The following MSRA variants were observed in gnomAD, a reference collection of about 807,000 sequenced individuals.
MSRA encodes mitochondrial peptide methionine sulfoxide reductase.
Under a neutral mutation model 31.3 loss-of-function variants are expected in MSRA, and 54 were observed. The observed-to-expected ratio is 1.73, with a 90% confidence interval of 1.39 to 2.17. The LOEUF (loss-of-function observed/expected upper bound fraction) is 2.17. Among genes scored for constraint, MSRA ranks in the 30% most tolerant of loss-of-function variants. The pLI, the probability that MSRA is intolerant of heterozygous loss-of-function variation, is 0.00. For missense variants in MSRA, 507 were observed against 300.9 expected, an observed-to-expected ratio of 1.69 and a Z score of -5.07; for synonymous variants, 169 against 116.5, an observed-to-expected ratio of 1.45 and a Z score of -2.90.
intron 5 of MSRA, among the ~76,000 whole-genome samples, chr8:10,330,708 T>C (rs1802645774): frequency 6.6e-6 from 1 of 152,250 alleles, no homozygotes; most frequent in South Asian, 2.1e-4. Context: ...CTACATTAAG[T>C]AAGCTTATAG....
chr8:10,369,083 A>G (rs1358554243), intron 5 of MSRA, among the ~76,000 whole-genome samples: 9 of 152,214 alleles, frequency 5.9e-5, no homozygotes, highest in Admixed American at 5.9e-4. Flanking sequence ...TGAGTTCGAG[A>G]TGAACTCTAC....
At chr8:10,160,279 G>C (rs370178958) in intron 1 of MSRA, among the ~76,000 whole-genome samples, 1 of 152,068 alleles carries the variant, frequency 6.6e-6, no homozygotes, top group South Asian at 2.1e-4. Flanking sequence ...CAGATCACGA[G>C]GTCAGGAGAT....
chr8:10,168,530 C>T (rs1805336422), intron 1 of MSRA, among the ~76,000 whole-genome samples: 1 of 152,154 alleles, frequency 6.6e-6, no homozygotes, highest in Non-Finnish European at 1.5e-5. Flanking sequence ...AGGGAAGTAG[C>T]ATTGATTTAA....
At chr8:10,083,945 G>T (rs1282260219) in intron 1 of MSRA, among the ~76,000 whole-genome samples, 1 of 152,154 alleles carries the variant, frequency 6.6e-6, no homozygotes, top group Admixed American at 6.5e-5. Flanking sequence ...TTAGGCCAAG[G>T]TACAGCTAAA....
At chr8:10,114,781 G>A (rs994377165) in intron 1 of MSRA, among the ~76,000 whole-genome samples, 1 of 152,134 alleles carries the variant, frequency 6.6e-6, no homozygotes, top group East Asian at 1.9e-4. Flanking sequence ...ATTAATGAAA[G>A]ACTCAATATT....
At chr8:10,082,140 A>G (rs1033886405) in intron 1 of MSRA, among the ~76,000 whole-genome samples, 1 of 152,192 alleles carries the variant, frequency 6.6e-6, no homozygotes, top group African/African-American at 2.4e-5. Flanking sequence ...CAGGAGGTCA[A>G]GACTGAGTGA....
At chr8:10,129,443 T>C (rs1165388385) in intron 1 of MSRA, among the ~76,000 whole-genome samples, 1 of 151,998 alleles carries the variant, frequency 6.6e-6, no homozygotes, top group East Asian at 1.9e-4. Context: ...TGAGGTGAAA[T>C]AATTTCTTGG....
intron 2 of MSRA, among the ~76,000 whole-genome samples, chr8:10,214,978 C>G (rs915183337): frequency 5.3e-5 from 8 of 152,150 alleles, no homozygotes; most frequent in African/African-American, 9.7e-5. Context: ...GATGGTGCAG[C>G]CACGTTGACC....
At chr8:10,279,095 A>G (rs747571033) in intron 3 of MSRA, among the ~76,000 whole-genome samples, 4 of 152,144 alleles carry the variant, frequency 2.6e-5, no homozygotes, top group Non-Finnish European at 4.4e-5. Context: ...TTCCTACCAT[A>G]ATTTTTACCA....
intron 5 of MSRA, among the ~76,000 whole-genome samples, chr8:10,331,814 A>G (rs539803183): frequency 1.8e-4 from 28 of 152,352 alleles, no homozygotes; most frequent in African/African-American, 6.7e-4. Flanking sequence ...ACCTAATACA[A>G]TGCACATACT....
At chr8:10,325,521 A>G (rs895218537) in intron 5 of MSRA, among the ~76,000 whole-genome samples, 2 of 152,188 alleles carry the variant, frequency 1.3e-5, no homozygotes, top group Admixed American at 6.5e-5. Flanking sequence ...ATGTCTTTAT[A>G]TAAAGTTAAA....
At chr8:10,178,789 T>G (rs7011821) in intron 1 of MSRA, among the ~76,000 whole-genome samples, 82,066 of 151,954 alleles carry the variant, frequency 0.54, 23,409 homozygotes, top group African/African-American at 0.74. Flanking sequence ...TTGAGATACT[T>G]TGGAATGTTT....
intron 1 of MSRA, among the ~76,000 whole-genome samples, chr8:10,110,581 C>G (rs1259315152): frequency 1.3e-5 from 2 of 152,254 alleles, no homozygotes; most frequent in Admixed American, 1.3e-4. Context: ...TTTTCACAGA[C>G]TCTCATATTT....
At chr8:10,237,399 A>G (rs1216212152) in intron 2 of MSRA, among the ~76,000 whole-genome samples, 4 of 152,258 alleles carry the variant, frequency 2.6e-5, no homozygotes, top group Non-Finnish European at 4.4e-5. Context: ...TCAATTATAT[A>G]TGTTGACTAA....
chr8:10,114,718 AC>A (rs1267724469), intron 1 of MSRA, among the ~76,000 whole-genome samples: 1 of 152,218 alleles, frequency 6.6e-6, no homozygotes, highest in Non-Finnish European at 1.5e-5. Flanking sequence ...AATTTGCAGG[AC>A]CAAGGAAAGC....
At chr8:10,409,796 C>A (rs1393405945) in intron 5 of MSRA, among the ~76,000 whole-genome samples, 1 of 152,212 alleles carries the variant, frequency 6.6e-6, no homozygotes, top group Non-Finnish European at 1.5e-5. Context: ...GCACAGCGGC[C>A]CATGCCTGTA....
At position 10,256,781 on chromosome 8, in the gene MSRA, G is replaced by A. The variant is rs79127782; in HGVS notation, c.331+11558G>A. On this transcript the variant is annotated intron_variant, in intron 3 of 5. Transcript: ENST00000317173. Reference sequence around the variant, plus strand: ...ATGTATTTCTCTGTCCCCCCGAGGCGAAGCTATAGTCTCTGACCCCCTGAG... The same window carrying A: ...ATGTATTTCTCTGTCCCCCCGAGGCAAAGCTATAGTCTCTGACCCCCTGAG... 3.3e-5 allele frequency among the ~76,000 whole-genome samples: 5 copies of A among 152,170 alleles called. No homozygotes were observed. In the East Asian group the frequency reaches 5.8e-4, roughly 18 times the overall value.
At chr8:10,150,906 T>C (rs1803607046) in intron 1 of MSRA, among the ~76,000 whole-genome samples, 1 of 152,128 alleles carries the variant, frequency 6.6e-6, no homozygotes, top group South Asian at 2.1e-4. Context: ...TCATTTTATA[T>C]ATCAGTAAGG....
intron 5 of MSRA, among the ~76,000 whole-genome samples, chr8:10,402,083 T>G (rs144682381): frequency 2.3e-4 from 35 of 152,158 alleles, no homozygotes; most frequent in African/African-American, 8.0e-4. Flanking sequence ...TAGAAAAAAA[T>G]GTAAAGGAAG....
Sources: allele counts gnomAD v4.1 joint callset (sites outside exome capture counted in the v4.1 genomes callset), GRCh38; gene constraint gnomAD v4.1.1; transcripts MANE v1.5; gene names NCBI Gene and HGNC (gene_info 2026-07-23, HGNC 2026-07-21).